RANGAP1: variants seen among roughly 807,000 people sequenced by gnomAD.
The protein encoded by RANGAP1 is Ran GTPase activating protein 1, also known as ran GTPase-activating protein 1.
A neutral mutation model predicts 63.5 loss-of-function variants in RANGAP1; 38 were observed. The ratio of observed to expected loss-of-function variants is 0.60; its 90% CI spans 0.46 to 0.78. The LOEUF is 0.78. RANGAP1 is among the 30% of genes least tolerant of loss of function. RANGAP1 has a pLI of 0.00. For missense variants in RANGAP1, 630 were observed against 740.3 expected (o/e 0.85, Z 1.73); for synonymous variants, 329 against 310.5 (o/e 1.06, Z -0.63).
Position 41,264,853 on chromosome 22 carries a change from GA to G in RANGAP1, c.301-11del. 1.3e-6 allele frequency: 2 copies of G among 1,589,236 alleles called. No homozygotes were observed. The highest frequency in any genetic ancestry group is 1.7e-6 in the Non-Finnish European group (2 of 1,159,896). ...CTTCCCCTAGTGAGATCTGGGCACA[GA>G]GGAAGCTCGTGTCAGTTTCATAGAC... On this transcript the variant is annotated splice_polypyrimidine_tract_variant and intron_variant, in intron 4 of 15. Transcript: ENST00000356244.
At chr22:41,279,928 T>C (rs539570115) in intron 2 of RANGAP1, among the ~76,000 whole-genome samples, 3 of 150,540 alleles carry the variant, frequency 2.0e-5, no homozygotes, top group African/African-American at 7.3e-5. Context: ...CAAAACCCTA[T>C]CTCTACTAAA....
At chr22:41,297,030 G>A in the RANGAP1 span, among the ~76,000 whole-genome samples, 1 of 152,054 alleles carries the variant, frequency 6.6e-6, no homozygotes, top group East Asian at 1.9e-4. Context: ...GGTAAATACG[G>A]TGAAAACCGT....
intron 11 of RANGAP1, among the ~76,000 whole-genome samples, chr22:41,253,933 C>T (rs1005356689): frequency 1.3e-5 from 2 of 151,910 alleles, no homozygotes; most frequent in African/African-American, 4.8e-5. Context: ...TATGGCGAAA[C>T]CCCGGCTCTA....
At chr22:41,294,032 C>A in the RANGAP1 span, among the ~76,000 whole-genome samples, 1 of 138,106 alleles carries the variant, frequency 7.2e-6, no homozygotes, top group Non-Finnish European at 1.6e-5. Flanking sequence ...TCCTCTCCCT[C>A]TCCTTCTCCC....
chr22:41,252,821 G>A (rs748858671), intron 12 of RANGAP1, 51 bp downstream of exon 12: 3 of 1,476,920 alleles, frequency 2.0e-6, no homozygotes, highest in Non-Finnish European at 2.7e-6. Context: ...TTCTCTAACA[G>A]CTCCAGAAGC....
chr22:41,274,403 C>T (rs963274000), intron 3 of RANGAP1, among the ~76,000 whole-genome samples, 197 bp downstream of exon 3: 1 of 152,250 alleles, frequency 6.6e-6, no homozygotes, highest in Admixed American at 6.5e-5. Flanking sequence ...CCAACACCCT[C>T]TCAAGGTCTG....
chr22:41,265,791 G>C (rs572577226), intron 4 of RANGAP1, among the ~76,000 whole-genome samples: 1 of 152,148 alleles, frequency 6.6e-6, no homozygotes, highest in African/African-American at 2.4e-5. Context: ...ATGTGGAAGG[G>C]AGACTTTCTG....
chr22:41,264,898 G>A lies in RANGAP1; in HGVS notation c.301-55C>T, dbSNP rs192014063. 5.6e-4 allele frequency: 864 copies of A among 1,542,992 alleles called. 6 individuals carry two copies. Among genetic ancestry groups the A allele is most frequent in the Non-Finnish European group, 1.9e-4 (214 of 1,133,086 alleles). On this transcript the variant is annotated intron_variant, in intron 4 of 15. Transcript: ENST00000356244. ...CATAGACACCCAGCTTCTGTGCTGG[G>A]TGCTGCTTCTGTGCCAGGCCCAGCT...
the RANGAP1 span, among the ~76,000 whole-genome samples, chr22:41,298,846 C>T: frequency 6.6e-6 from 1 of 152,148 alleles, no homozygotes; most frequent in Non-Finnish European, 1.5e-5. Flanking sequence ...TGACAGATAC[C>T]ATGGACTGGA....
At chr22:41,261,018 C>A (rs891611316) in intron 6 of RANGAP1, among the ~76,000 whole-genome samples, 1 of 152,142 alleles carries the variant, frequency 6.6e-6, no homozygotes, top group African/African-American at 2.4e-5. Flanking sequence ...CGTCATTTGG[C>A]ACCTGAGCCC....
intron 3 of RANGAP1, among the ~76,000 whole-genome samples, chr22:41,269,788 A>G (rs1336410396): frequency 1.3e-5 from 2 of 151,718 alleles, no homozygotes; most frequent in Non-Finnish European, 2.9e-5. Context: ...TGTTCCTAGC[A>G]TAAAGATAAA....
In RANGAP1 at chr22:41,258,030, G is replaced by C. The variant is rs772732178; in HGVS notation, c.692C>G (p.Ala231Gly). 5.6e-6 allele frequency: 9 copies of C among 1,613,282 alleles called. No homozygotes were observed. Among genetic ancestry groups the C allele is most frequent in the Non-Finnish European group, 7.6e-6 (9 of 1,179,622 alleles). The change falls in exon 7 of 16, where the codon GCT (alanine) becomes GGT (glycine). Residue 231 changes from alanine (A) to glycine (G), a missense_variant. Ala to Gly is a moderately conservative substitution (Grantham distance 60). Around this residue, in one of 3 missense-constraint regions of RANGAP1, gnomAD observed 428 missense variants for 465.5 expected, o/e 0.92. Transcript: ENST00000356244. Reference sequence around the variant, plus strand: ...CCGCAGCAGGGGGTTGACAGCGAAAGCCTGGGCCAGGGCAGTGATGCCAGG... The same window carrying C: ...CCGCAGCAGGGGGTTGACAGCGAAACCCTGGGCCAGGGCAGTGATGCCAGG... ...NHPGITALAQ[A>G]FAVNPLLRVI...
At chr22:41,276,148 T>C (rs545718687) in intron 2 of RANGAP1, among the ~76,000 whole-genome samples, 53 of 152,316 alleles carry the variant, frequency 3.5e-4, no homozygotes, top group Admixed American at 8.5e-4. Context: ...TAAAAACATA[T>C]GTATTCACAC....
At chr22:41,261,717 C>T in intron 5 of RANGAP1, 137 bp from the exon 6 acceptor site, 2 of 975,104 alleles carry the variant, frequency 2.1e-6, no homozygotes, top group East Asian at 2.6e-5. Context: ...CTGCTAACAG[C>T]TCAACAGTCA....
At chr22:41,249,954 G>C in intron 13 of RANGAP1, 137 bp from the exon 14 acceptor site, 1 of 705,492 alleles carries the variant, frequency 1.4e-6, no homozygotes, top group Non-Finnish European at 2.5e-6. Flanking sequence ...ACACGAGAGG[G>C]ACGGCAGAGA....
intron 3 of RANGAP1, among the ~76,000 whole-genome samples, chr22:41,272,976 C>T (rs990332303): frequency 5.3e-5 from 8 of 152,086 alleles, no homozygotes; most frequent in African/African-American, 1.9e-4. Context: ...CCATGCCGGG[C>T]TAATTTTTGT....
chr22:41,285,721 A>G (rs1412558972), intron 1 of RANGAP1: 1 of 976,690 alleles, frequency 1.0e-6, no homozygotes, highest in Non-Finnish European at 1.2e-6. Flanking sequence ...CAATGCTAAT[A>G]TGAGACGCCA....
chr22:41,299,131 A>T, the RANGAP1 span, among the ~76,000 whole-genome samples: 1 of 151,828 alleles, frequency 6.6e-6, no homozygotes. Context: ...GAGATTCAAC[A>T]TATGAATTTT....
intron 5 of RANGAP1, among the ~76,000 whole-genome samples, chr22:41,264,213 G>A (rs1052343855): frequency 6.6e-6 from 1 of 152,198 alleles, no homozygotes; most frequent in African/African-American, 2.4e-5. Context: ...CCAACGTGAA[G>A]CTCTACACTG....
Sources: gnomAD v4.1 joint callset for allele counts (sites outside exome capture counted in the v4.1 genomes callset) on GRCh38, gnomAD v4.1.1 for gene constraint, gnomAD v4.1.1 regional missense constraint, MANE v1.5 for transcripts, NCBI Gene and HGNC (gene_info 2026-07-23, HGNC 2026-07-21) for gene names.